The following DCTN4 variants were observed in gnomAD, a reference collection of about 807,000 sequenced individuals.
The protein encoded by DCTN4 is dynactin 4 (p62).
In DCTN4, 23 loss-of-function variants were observed where a neutral mutation model predicts 62.7. The ratio of observed to expected loss-of-function variants is 0.37; its 90% CI spans 0.26 to 0.52. DCTN4 has a LOEUF of 0.52. Ranked by LOEUF, DCTN4 falls within the 20% of genes least tolerant of loss-of-function variation. DCTN4 has a pLI of 0.92. For missense variants in DCTN4, 514 were observed against 580.4 expected (o/e 0.89, Z 1.18); for synonymous variants, 199 against 202.1 (o/e 0.98, Z 0.13).
intron 8 of DCTN4, among the ~76,000 whole-genome samples, chr5:150,726,053 TA>T (rs1017382127): frequency 1.7e-4 from 26 of 149,156 alleles, no homozygotes; most frequent in African/African-American, 4.2e-4. Flanking sequence ...TAAGCAGAAT[TA>T]AAAAAAAAAT....
rs916676609 is a variant in DCTN4, at chr5:150,731,297, G to T, written c.611+119C>A. 6 of 1,038,320 alleles carry T rather than the reference G, an allele frequency of 5.8e-6. No homozygotes were observed. The East Asian group carries it at 1.2e-4, about 21-fold the overall frequency. 64.3% of individuals were successfully genotyped at this position (1,038,320 alleles called of 1,614,324 possible). ...TCTGTATAGCGTAGGTCTTTTCTAAGTATGAGAATCTTCTTTTCCATTGAC... is the reference window on the plus strand; with the variant it reads ...TCTGTATAGCGTAGGTCTTTTCTAATTATGAGAATCTTCTTTTCCATTGAC... On this transcript the variant is annotated intron_variant, in intron 6 of 12. Transcript: ENST00000447998.
chr5:150,722,068 C>T (rs1193940360), intron 9 of DCTN4, among the ~76,000 whole-genome samples: 1 of 152,172 alleles, frequency 6.6e-6, no homozygotes, highest in Non-Finnish European at 1.5e-5. Flanking sequence ...TCAAGTGATC[C>T]TCCTGACTCA....
chr5:150,725,865 G>C lies in DCTN4; in HGVS notation c.835-2885C>G, dbSNP rs559015981. On this transcript the variant is annotated intron_variant, in intron 8 of 12. Coordinates refer to ENST00000447998, the MANE Select transcript of DCTN4 (RefSeq NM_016221.4). ...GGATGGGTGCCCCAGGTCTCTCCAAGCTGGCTATTTATTATATTTTGTTAT... is the reference window on the plus strand; with the variant it reads ...GGATGGGTGCCCCAGGTCTCTCCAACCTGGCTATTTATTATATTTTGTTAT... Among the ~76,000 whole-genome samples, 18 of 152,206 alleles carry C rather than the reference G, an allele frequency of 1.2e-4. No homozygotes were observed. In the South Asian group the frequency reaches 2.7e-3, roughly 23 times the overall value.
At chr5:150,758,812 C>T (rs999158309) in intron 1 of DCTN4, 47 bp downstream of exon 1, 22 of 1,601,310 alleles carry the variant, frequency 1.4e-5, no homozygotes, top group Middle Eastern at 3.3e-4. Context: ...AGCATGAACG[C>T]CGCGCCCCCC....
chr5:150,746,612 T>C (rs888655693), intron 3 of DCTN4, among the ~76,000 whole-genome samples: 7 of 152,310 alleles, frequency 4.6e-5, no homozygotes, highest in African/African-American at 1.4e-4. Flanking sequence ...GCTTCATCCC[T>C]GGGATGCAAG....
intron 12 of DCTN4, among the ~76,000 whole-genome samples, chr5:150,713,728 G>A (rs1429745931): frequency 6.6e-6 from 1 of 151,846 alleles, no homozygotes; most frequent in Non-Finnish European, 1.5e-5. Flanking sequence ...ACAGGCATCA[G>A]CCACCACACC....
chr5:150,743,616 G>C (rs1394800344), intron 3 of DCTN4, among the ~76,000 whole-genome samples: 9 of 152,116 alleles, frequency 5.9e-5, no homozygotes, highest in Admixed American at 5.2e-4. Context: ...CCAGAGGAAC[G>C]ATCAGACAGC....
intron 4 of DCTN4, among the ~76,000 whole-genome samples, chr5:150,735,178 G>A (rs1760530460): frequency 6.6e-6 from 1 of 152,086 alleles, no homozygotes; most frequent in South Asian, 2.1e-4. Context: ...TGCAGCTGAT[G>A]CTTTCTTGAA....
intron 12 of DCTN4, among the ~76,000 whole-genome samples, chr5:150,713,006 G>A (rs1759624592): frequency 6.6e-6 from 1 of 152,130 alleles, no homozygotes; most frequent in Non-Finnish European, 1.5e-5. Flanking sequence ...AATCATTCCA[G>A]AAGTATATCT....
chr5:150,734,075 C>G (rs1561699685), intron 4 of DCTN4: 2 of 151,926 alleles, frequency 1.3e-5, no homozygotes, highest in South Asian at 2.1e-4. Flanking sequence ...GCCTATAGTC[C>G]CAGCTACTCA....
intron 8 of DCTN4, among the ~76,000 whole-genome samples, chr5:150,723,830 C>A (rs114611969): frequency 6.6e-6 from 1 of 152,076 alleles, no homozygotes; most frequent in Non-Finnish European, 1.5e-5. Context: ...CAAAAGGGAA[C>A]ATTTTATATT....
intron 4 of DCTN4, among the ~76,000 whole-genome samples, chr5:150,739,333 C>T (rs1760691961): frequency 6.6e-6 from 1 of 151,938 alleles, no homozygotes; most frequent in Admixed American, 6.6e-5. Context: ...AAACCCCACC[C>T]AAAAAACAAA....
intron 11 of DCTN4, among the ~76,000 whole-genome samples, chr5:150,716,880 C>G (rs917120861): frequency 6.6e-6 from 1 of 151,106 alleles, no homozygotes; most frequent in Non-Finnish European, 1.5e-5. Flanking sequence ...GACTGCGCCA[C>G]TGCACTCCAG....
At chr5:150,713,761 C>A (rs748042587) in intron 12 of DCTN4, among the ~76,000 whole-genome samples, 10 of 151,150 alleles carry the variant, frequency 6.6e-5, no homozygotes, top group South Asian at 2.1e-4. Flanking sequence ...ATTTTTCTAA[C>A]CCACCTTGTT....
intron 12 of DCTN4, among the ~76,000 whole-genome samples, chr5:150,713,600 C>T (rs1055940700): frequency 4.0e-5 from 6 of 151,644 alleles, no homozygotes; most frequent in African/African-American, 4.8e-5. Flanking sequence ...CGTGCCACCA[C>T]GCCTGGCTAA....
intron 12 of DCTN4, among the ~76,000 whole-genome samples, chr5:150,712,286 C>T (rs577526734): frequency 2.6e-5 from 4 of 152,084 alleles, no homozygotes; most frequent in Non-Finnish European, 4.4e-5. Context: ...CACACCATCA[C>T]GCCCAGCTAA....
intron 3 of DCTN4, among the ~76,000 whole-genome samples, chr5:150,746,548 T>C (rs1302449421): frequency 6.6e-6 from 1 of 152,174 alleles, no homozygotes; most frequent in Non-Finnish European, 1.5e-5. Context: ...AATAAAATAC[T>C]GGCAAACCGA....
chr5:150,716,095 G>A (rs745438591), intron 11 of DCTN4, among the ~76,000 whole-genome samples: 2 of 152,108 alleles, frequency 1.3e-5, no homozygotes, highest in Admixed American at 6.5e-5. Context: ...TAGTAGAGAC[G>A]GGGTTTCACC....
At chr5:150,725,787 T>C (rs1230233836) in intron 8 of DCTN4, among the ~76,000 whole-genome samples, 1 of 152,234 alleles carries the variant, frequency 6.6e-6, no homozygotes, top group Non-Finnish European at 1.5e-5. Flanking sequence ...GGGACTCCAA[T>C]GGCAGCAGCA....
Sources: allele counts gnomAD v4.1 joint callset (sites outside exome capture counted in the v4.1 genomes callset), GRCh38; gene constraint gnomAD v4.1.1; transcripts MANE v1.5; gene names NCBI Gene and HGNC (gene_info 2026-07-23, HGNC 2026-07-21).